The following COA7 variants were observed in gnomAD, a reference collection of about 807,000 sequenced individuals.
COA7 encodes the protein Sel1 repeat containing 1.
In COA7, 12 loss-of-function variants were observed where a neutral mutation model predicts 21.0. The ratio of observed to expected loss-of-function variants is 0.57; its 90% CI spans 0.37 to 0.92. The LOEUF (loss-of-function observed/expected upper bound fraction) is 0.92. COA7 is among the 40% of genes least tolerant of loss of function. COA7 has a pLI of 0.01. For synonymous variants in COA7, 95 were observed against 107.4 expected (o/e 0.88, Z 0.72); for missense variants, 240 against 286.1 (o/e 0.84, Z 1.16).
intron 2 of COA7, among the ~76,000 whole-genome samples, chr1:52,690,982 C>T (rs142843987): frequency 6.6e-6 from 1 of 152,148 alleles, no homozygotes; most frequent in African/African-American, 2.4e-5. Context: ...GTGGCAAACG[C>T]CCCTGTAATC....
chr1:52,692,919 G>A, intron 1 of COA7, 52 bp from the exon 2 acceptor site: 1 of 1,607,540 alleles, frequency 6.2e-7, no homozygotes. Context: ...GCTGCTCGCA[G>A]TGGGGACTTG....
chr1:52,687,684 A>G lies in COA7; in HGVS notation c.*36T>C. The G allele has an allele frequency of 1.3e-6, 2 of 1,590,726 alleles. No homozygotes were observed. Among genetic ancestry groups the G allele is most frequent in the South Asian group, 1.1e-5 (1 of 88,760 alleles). On this transcript the variant is annotated 3_prime_UTR_variant, in exon 3 of 3. Transcript: ENST00000371538. ...TTCAGAAACAGGAGCTGCCAGCCTC[A>G]AGCAGTTTGTTGCCTGGGAGGGAGG...
At chr1:52,695,163 G>T (rs150063834) in intron 1 of COA7, among the ~76,000 whole-genome samples, 16 of 151,974 alleles carry the variant, frequency 1.1e-4, no homozygotes, top group Non-Finnish European at 2.2e-4. Flanking sequence ...GCTTGGTGGC[G>T]CACGCTTGTA....
intron 1 of COA7, among the ~76,000 whole-genome samples, chr1:52,695,826 G>A (rs1415281149): frequency 6.6e-6 from 1 of 152,094 alleles, no homozygotes; most frequent in African/African-American, 2.4e-5. Context: ...CTCGTAAAGT[G>A]CTGCAGCCAG....
At chr1:52,698,143 C>G in intron 1 of COA7, 78 bp downstream of exon 1, 1 of 1,021,892 alleles carries the variant, frequency 9.8e-7, no homozygotes, top group Non-Finnish European at 1.5e-6. Flanking sequence ...CTTCTCCAGC[C>G]TCTCAGAGGT....
chr1:52,696,235 G>A (rs1026317212), intron 1 of COA7, among the ~76,000 whole-genome samples: 6 of 151,834 alleles, frequency 4.0e-5, no homozygotes, highest in Non-Finnish European at 7.4e-5. Context: ...GTGTGATGGC[G>A]CGATCTCAGC....
At chr1:52,691,319 CAGG>C (rs1268990835) in intron 2 of COA7, among the ~76,000 whole-genome samples, 2 of 151,106 alleles carry the variant, frequency 1.3e-5, no homozygotes, top group East Asian at 1.9e-4. Flanking sequence ...GAGGCTGAGG[CAGG>C]AGGATTGCCT....
At chr1:52,689,392 G>A (rs909113576) in intron 2 of COA7, among the ~76,000 whole-genome samples, 1 of 151,468 alleles carries the variant, frequency 6.6e-6, no homozygotes, top group African/African-American at 2.4e-5. Context: ...CTGACCTCAT[G>A]ATCCGCCCGC....
chr1:52,684,650 A>G lies in COA7; in HGVS notation c.*3070T>C, dbSNP rs765625577. ...CATTATCACTCAAAGTCCACAGTTT[A>G]CATTAGGGTTCACTCTTGGTGTTGT... On this transcript the variant is annotated 3_prime_UTR_variant, in exon 3 of 3. Transcript: ENST00000371538. 1 of 152,174 alleles carries G rather than the reference A, an allele frequency of 6.6e-6. No homozygotes were observed. The highest frequency in any genetic ancestry group is 1.5e-5 in the Non-Finnish European group (1 of 68,046). The allele number at this position is 152,174 out of a possible 1,614,324, so 9.4% of individuals were successfully genotyped here.
At chr1:52,693,028 T>C (rs1316372820) in intron 1 of COA7, among the ~76,000 whole-genome samples, 161 bp from the exon 2 acceptor site, 1 of 152,108 alleles carries the variant, frequency 6.6e-6, no homozygotes, top group Non-Finnish European at 1.5e-5. Context: ...ACAAAGAATG[T>C]AGGTGGTGTT....
chr1:52,689,057 C>T (rs1257472779), intron 2 of COA7, among the ~76,000 whole-genome samples: 1 of 152,112 alleles, frequency 6.6e-6, no homozygotes. Context: ...ATTAGATAGT[C>T]TAAGTCAAGA....
Position 52,691,086 on chromosome 1 carries a change from G to C in COA7, c.247+1641C>G, listed in dbSNP as rs942318507. 1.1e-4 allele frequency among the ~76,000 whole-genome samples: 16 copies of C among 151,864 alleles called. No individual in the cohort carries two copies. The East Asian group carries it at 3.1e-3, about 29-fold the overall frequency. On this transcript the variant is annotated intron_variant, in intron 2 of 2. Transcript: ENST00000371538. The stretch of plus-strand genomic sequence containing the variant: ...CCACTGCACACCAGCCTGGGCGACA[G>C]AGTGGGACCCTGTCTCGGGACCCTG...
intron 1 of COA7, among the ~76,000 whole-genome samples, chr1:52,693,689 G>A (rs995605624): frequency 6.6e-6 from 1 of 151,906 alleles, no homozygotes; most frequent in Non-Finnish European, 1.5e-5. Context: ...GTAGGAACAT[G>A]AAAGCCAAAG....
chr1:52,697,966 T>G, intron 1 of COA7: 2 of 461,884 alleles, frequency 4.3e-6, no homozygotes, highest in South Asian at 3.3e-5. Context: ...GGGCAGGGAG[T>G]TTCATCTGTT....
At position 52,688,297 on chromosome 1, in the gene COA7, G is replaced by A. The variant is rs1644021660; in HGVS notation, c.248-129C>T. On this transcript the variant is annotated intron_variant, in intron 2 of 2. Coordinates refer to ENST00000371538, the MANE Select transcript of COA7 (RefSeq NM_023077.3). ...CTTGCTTTGTTAACCAGGCTGGAGTGCACTGGCATGATCACGGCTCACTGC... is the reference window on the plus strand; with the variant it reads ...CTTGCTTTGTTAACCAGGCTGGAGTACACTGGCATGATCACGGCTCACTGC... 4.8e-5 allele frequency: 34 copies of A among 710,212 alleles called. 1 individual carries two copies. In the South Asian group the frequency reaches 6.5e-4, roughly 14 times the overall value. 44.0% of individuals were successfully genotyped at this position (710,212 alleles called of 1,614,324 possible). A position where few individuals can be genotyped will look rare whatever the true frequency, so the allele number is the denominator to read the frequency against.
rs1197945739 is a variant in COA7, at chr1:52,692,726, C to A, written c.247+1G>T. 1.2e-6 allele frequency: 2 copies of A among 1,614,206 alleles called. No individual in the cohort carries two copies. Among genetic ancestry groups the A allele is most frequent in the Middle Eastern group, 1.6e-4 (1 of 6,062 alleles). On this transcript the variant is annotated splice_donor_variant, in intron 2 of 2. Transcript: ENST00000371538. LOFTEE classifies it high-confidence loss of function. The stretch of plus-strand genomic sequence containing the variant: ...GGACCCAAAAGGCAGGCCCTCCTTA[C>A]CTTTTCCAGTCACATAGTAGGCCCC...
chr1:52,695,918 G>C (rs981496207), intron 1 of COA7, among the ~76,000 whole-genome samples: 22 of 152,184 alleles, frequency 1.4e-4, no homozygotes, highest in African/African-American at 5.3e-4. Context: ...ACAGAGCAAA[G>C]TCTATATTCC....
intron 2 of COA7, among the ~76,000 whole-genome samples, chr1:52,692,494 G>A (rs547226751): frequency 1.1e-4 from 16 of 152,268 alleles, no homozygotes; most frequent in African/African-American, 3.1e-4. Context: ...GCACAGAGTC[G>A]AAGTGATTGG....
rs1259874955 is a variant in COA7, at chr1:52,684,931, C to G, written c.*2789G>C. 6.6e-6 allele frequency: 1 copy of G among 152,116 alleles called. No individual in the cohort carries two copies. The highest frequency in any genetic ancestry group is 2.4e-5 in the African/African-American group (1 of 41,434). The allele number at this position is 152,116 out of a possible 1,614,324, so 9.4% of individuals were successfully genotyped here. A position where few individuals can be genotyped will look rare whatever the true frequency, so the allele number is the denominator to read the frequency against. ...AGCATTCATTTAAGTTCCTCTGTGA[C>G]TTCTTATAGCTTGATAACTCATAAT... On this transcript the variant is annotated 3_prime_UTR_variant, in exon 3 of 3. Coordinates refer to ENST00000371538, the MANE Select transcript of COA7 (RefSeq NM_023077.3).
Sources: gnomAD v4.1 joint callset for allele counts (sites outside exome capture counted in the v4.1 genomes callset) on GRCh38, gnomAD v4.1.1 for gene constraint, MANE v1.5 for transcripts, NCBI Gene and HGNC (gene_info 2026-07-23, HGNC 2026-07-21) for gene names.